Variants in ADGRL3 observed in about 807,000 individuals in gnomAD.
ADGRL3 encodes the protein calcium-independent alpha-latrotoxin receptor 3.
A neutral mutation model predicts 153.5 loss-of-function variants in ADGRL3; 62 were observed. The ratio of observed to expected loss-of-function variants is 0.40; its 90% confidence interval spans 0.33 to 0.50. The LOEUF (loss-of-function observed/expected upper bound fraction) is 0.50. Among genes scored for constraint, ADGRL3 ranks in the 20% least tolerant of loss-of-function variants. The probability of loss-of-function intolerance (pLI) is 0.47; values close to 1 mark genes in which losing one functional copy is unlikely to be tolerated. For missense variants in ADGRL3, 1,641 were observed against 1,859.4 expected, an observed-to-expected ratio of 0.88 and a Z score of 2.16; for synonymous variants, 710 against 672.5, an observed-to-expected ratio of 1.06 and a Z score of -0.86.
intron 1 of ADGRL3, among the ~76,000 whole-genome samples, chr4:61,285,354 A>G (rs2150056988): frequency 6.6e-6 from 1 of 152,022 alleles, no homozygotes; most frequent in South Asian, 2.1e-4. Context: ...CTGTGTTTCA[A>G]GTCAACTACT....
At chr4:61,458,896 CTATT>C (rs1022410944) in intron 2 of ADGRL3, among the ~76,000 whole-genome samples, 8 of 148,178 alleles carry the variant, frequency 5.4e-5, no homozygotes, top group African/African-American at 1.3e-4. Flanking sequence ...ATTTTTCTAA[CTATT>C]TACCACATTT....
At chr4:61,300,535 T>G (rs1317868978) in intron 1 of ADGRL3, among the ~76,000 whole-genome samples, 1 of 152,074 alleles carries the variant, frequency 6.6e-6, no homozygotes, top group Non-Finnish European at 1.5e-5. Flanking sequence ...GCAGTTAAAG[T>G]GAGAAAGGAA....
At position 61,863,392 on chromosome 4, in the gene ADGRL3, T is replaced by C. The variant is rs560782416; in HGVS notation, c.1481-29264T>C. On this transcript the variant is annotated intron_variant, in intron 9 of 26. Coordinates refer to ENST00000683033, the MANE Select transcript of ADGRL3 (RefSeq NM_001387552.1). ...AGCTGGGACTACAGGCGCCCGCCACTACGCCCGGCTAATTTTTTGTATTTT... is the reference window on the plus strand; with the variant it reads ...AGCTGGGACTACAGGCGCCCGCCACCACGCCCGGCTAATTTTTTGTATTTT... Among the ~76,000 whole-genome samples, 564 of 151,240 alleles carry C rather than the reference T, an allele frequency of 3.7e-3. 4 individuals carry two copies. The highest frequency in any genetic ancestry group is 0.013 in the African/African-American group (539 of 41,204).
intron 6 of ADGRL3, among the ~76,000 whole-genome samples, chr4:61,693,391 G>C (rs2095576444): frequency 6.6e-6 from 1 of 151,202 alleles, no homozygotes; most frequent in Admixed American, 6.6e-5. Context: ...ACAAACCAAA[G>C]ATACAGCATG....
chr4:61,898,084 C>A (rs946675693), intron 11 of ADGRL3, among the ~76,000 whole-genome samples: 1 of 152,122 alleles, frequency 6.6e-6, no homozygotes, highest in African/African-American at 2.4e-5. Context: ...TTACCCTCCA[C>A]CCTCCATTTA....
intron 8 of ADGRL3, among the ~76,000 whole-genome samples, chr4:61,744,155 G>T (rs2096621283): frequency 1.3e-5 from 2 of 152,154 alleles, no homozygotes; most frequent in South Asian, 4.1e-4. Context: ...CAGCGAGGCT[G>T]GGGGAGGGGC....
In ADGRL3 at chr4:61,431,407, C is replaced by T. The variant is rs149948209; in HGVS notation, c.-174+48218C>T. Among the ~76,000 whole-genome samples, 302 of 152,290 alleles carry T rather than the reference C, an allele frequency of 2.0e-3. 2 individuals are homozygous for T. Among genetic ancestry groups the T allele is most frequent in the Non-Finnish European group, 3.5e-3 (240 of 68,032 alleles). Reference sequence around the variant, plus strand: ...AAATGGTTGTCTTTCAGAGGCTGAACGCTCAATAGTCGATGAGCCACTAAG... The same window carrying T: ...AAATGGTTGTCTTTCAGAGGCTGAATGCTCAATAGTCGATGAGCCACTAAG... On this transcript the variant is annotated intron_variant, in intron 2 of 26. Transcript: ENST00000683033.
intron 5 of ADGRL3, among the ~76,000 whole-genome samples, chr4:61,621,728 A>AGAT (rs998532971): frequency 2.0e-5 from 3 of 152,120 alleles, no homozygotes; most frequent in African/African-American, 7.2e-5. Context: ...GTGGTCGTCA[A>AGAT]GATAGCAGCG....
At chr4:61,294,820 T>G (rs779461127) in intron 1 of ADGRL3, among the ~76,000 whole-genome samples, 1 of 152,110 alleles carries the variant, frequency 6.6e-6, no homozygotes, top group Non-Finnish European at 1.5e-5. Context: ...TGTTTAATAT[T>G]AGTATTTAAT....
intron 8 of ADGRL3, among the ~76,000 whole-genome samples, chr4:61,773,647 T>C (rs1306458917): frequency 1.3e-5 from 2 of 152,166 alleles, no homozygotes; most frequent in African/African-American, 4.8e-5. Context: ...TATACCACTG[T>C]AGGCAAGGAA....
chr4:61,253,691 C>CACACACACA (rs2091681749), intron 1 of ADGRL3, among the ~76,000 whole-genome samples: 1 of 140,396 alleles, frequency 7.1e-6, no homozygotes, highest in Non-Finnish European at 1.6e-5. Context: ...ATGTTCAGTT[C>CACACACACA]CACACACACA....
At chr4:61,229,260 C>T (rs2149147587) in intron 1 of ADGRL3, among the ~76,000 whole-genome samples, 1 of 152,238 alleles carries the variant, frequency 6.6e-6, no homozygotes, top group Non-Finnish European at 1.5e-5. Flanking sequence ...TTACCTAAGC[C>T]TTATTTACTT....
At position 61,594,095 on chromosome 4, in the gene ADGRL3, G is replaced by A. The variant is rs534851653; in HGVS notation, c.473+6655G>A. Reference sequence around the variant, plus strand: ...AATTCTGCTATTAAGAGACTTTGAAGCGTTCTTCAGCATATCAATTGCATT... The same window carrying A: ...AATTCTGCTATTAAGAGACTTTGAAACGTTCTTCAGCATATCAATTGCATT... On this transcript the variant is annotated intron_variant, in intron 5 of 26. Coordinates refer to ENST00000683033, the MANE Select transcript of ADGRL3 (RefSeq NM_001387552.1). Among the ~76,000 whole-genome samples the A allele has an allele frequency of 9.9e-5, 15 of 152,164 alleles. No individual in the cohort carries two copies. In the South Asian group the frequency reaches 3.1e-3, roughly 32 times the overall value.
chr4:61,442,247 G>A (rs762356872), intron 2 of ADGRL3, among the ~76,000 whole-genome samples: 18 of 152,286 alleles, frequency 1.2e-4, no homozygotes, highest in African/African-American at 3.4e-4. Flanking sequence ...GGCATAAATC[G>A]GAATATGAGA....
chr4:61,352,349 A>T (rs1382662426), intron 1 of ADGRL3, among the ~76,000 whole-genome samples: 1 of 152,136 alleles, frequency 6.6e-6, no homozygotes, highest in Non-Finnish European at 1.5e-5. Flanking sequence ...CTTTTTTTAG[A>T]CATAAAATGC....
chr4:61,893,907 C>T (rs530516333), intron 10 of ADGRL3, among the ~76,000 whole-genome samples: 2 of 151,734 alleles, frequency 1.3e-5, no homozygotes, highest in East Asian at 3.9e-4. Context: ...AGACAGGTTT[C>T]GCCATGTTGT....
At chr4:61,994,468 A>G (rs1460805676) in intron 19 of ADGRL3, among the ~76,000 whole-genome samples, 3 of 151,794 alleles carry the variant, frequency 2.0e-5, no homozygotes, top group African/African-American at 7.3e-5. Context: ...TTGTTTTAAA[A>G]TGGGCTTTTT....
chr4:61,894,885 A>G (rs2098617489), intron 10 of ADGRL3, among the ~76,000 whole-genome samples: 2 of 152,102 alleles, frequency 1.3e-5, no homozygotes, highest in African/African-American at 4.8e-5. Context: ...TAATATTCTC[A>G]TTGATTTTCC....
At chr4:61,439,233 AATCT>A (rs1335049779) in intron 2 of ADGRL3, among the ~76,000 whole-genome samples, 1 of 152,158 alleles carries the variant, frequency 6.6e-6, no homozygotes, top group Non-Finnish European at 1.5e-5. Flanking sequence ...GTTCTCTGTG[AATCT>A]ATCTGAGATT....
Sources: allele counts gnomAD v4.1 joint callset (sites outside exome capture counted in the v4.1 genomes callset), GRCh38; gene constraint gnomAD v4.1.1; transcripts MANE v1.5; gene names NCBI Gene and HGNC (gene_info 2026-07-23, HGNC 2026-07-21).